Variants in PTPRF observed in about 807,000 individuals in gnomAD.
The protein encoded by PTPRF is protein tyrosine phosphatase receptor type F.
PTPRF carries 59 observed loss-of-function variants against 201.8 expected under a neutral mutation model. That is an observed-to-expected ratio of 0.29 (90% CI 0.24 to 0.36). PTPRF has a LOEUF of 0.36. PTPRF is among the 10% of genes least tolerant of loss of function. The pLI is 1.00. For synonymous variants in PTPRF, 1,088 were observed against 1,089.7 expected, an observed-to-expected ratio of 1.00 and a Z score of 0.03; for missense variants, 2,132 against 2,690.5, an observed-to-expected ratio of 0.79 and a Z score of 4.59.
At chr1:43,612,926 TC>T (rs1656817970) in intron 22 of PTPRF, 2 of 827,450 alleles carry the variant, frequency 2.4e-6, no homozygotes, top group Non-Finnish European at 1.8e-6. Context: ...CCCTTTCTTC[TC>T]CCCCAATCCC....
At chr1:43,620,618 T>C in intron 31 of PTPRF, 39 bp downstream of exon 31, 1 of 1,602,320 alleles carries the variant, frequency 6.2e-7, no homozygotes, top group South Asian at 1.1e-5. Flanking sequence ...ACGCTGCCTG[T>C]CCACACGCTG....
At chr1:43,526,590 G>A (rs1452434783), upstream of PTPRF, among the ~76,000 whole-genome samples, 1 of 152,164 alleles carries the variant, frequency 6.6e-6, no homozygotes, top group African/African-American at 2.4e-5. Context: ...GTGTCTTGGG[G>A]AATTGATGCT....
At chr1:43,570,938 C>T (rs919573386) in intron 6 of PTPRF, among the ~76,000 whole-genome samples, 2 of 152,260 alleles carry the variant, frequency 1.3e-5, no homozygotes, top group African/African-American at 2.4e-5. Context: ...CGGTTCGGCT[C>T]CTCTGCATTT....
At position 43,553,422 on chromosome 1, in the gene PTPRF, T is replaced by A; in HGVS notation, c.92-70T>A. 1 of 1,506,030 alleles carries A rather than the reference T, an allele frequency of 6.6e-7. No individual in the cohort carries two copies. The allele number at this position is 1,506,030 out of a possible 1,614,324, so 93.3% of individuals were successfully genotyped here. On this transcript the variant is annotated intron_variant, in intron 3 of 33. Coordinates refer to ENST00000359947, the MANE Select transcript of PTPRF (RefSeq NM_002840.5). This position sits in a 1 kb window ranked among gnomAD's most constrained non-coding sequence, Gnocchi z 4.1. ...AGGTCTTTCTCTCTGCCCCCATGACTGCCACCTTCCTCACTGGCCATTCCT... is the reference window on the plus strand; with the variant it reads ...AGGTCTTTCTCTCTGCCCCCATGACAGCCACCTTCCTCACTGGCCATTCCT...
At chr1:43,565,852 G>A (rs1039153069) in intron 5 of PTPRF, among the ~76,000 whole-genome samples, 1 of 152,118 alleles carries the variant, frequency 6.6e-6, no homozygotes, top group Non-Finnish European at 1.5e-5. Flanking sequence ...GCGCCTGCAC[G>A]GACTCGGGCA....
intron 7 of PTPRF, among the ~76,000 whole-genome samples, chr1:43,586,880 C>A (rs1351532954): frequency 6.6e-6 from 1 of 152,190 alleles, no homozygotes; most frequent in African/African-American, 2.4e-5. Flanking sequence ...GGCTGTTTCT[C>A]CATAGTCAGA....
chr1:43,604,221 A>G (rs1259194479), intron 16 of PTPRF, 32 bp downstream of exon 16: 4 of 1,596,736 alleles, frequency 2.5e-6, no homozygotes, highest in Admixed American at 1.7e-5. Context: ...TCCCTTCCCG[A>G]GTGTGGCTGC....
At chr1:43,544,502 T>C (rs1243902134) in intron 2 of PTPRF, among the ~76,000 whole-genome samples, 1 of 152,198 alleles carries the variant, frequency 6.6e-6, no homozygotes, top group Non-Finnish European at 1.5e-5. Flanking sequence ...TCGTGGAGTC[T>C]GGCCTCCCAC....
At chr1:43,533,174 A>ATTCC (rs942868987) in intron 1 of PTPRF, among the ~76,000 whole-genome samples, 3 of 151,676 alleles carry the variant, frequency 2.0e-5, no homozygotes, top group Non-Finnish European at 2.9e-5. Flanking sequence ...TTTTAACATA[A>ATTCC]TTCCTTCCTT....
At chr1:43,618,186 G>A (rs1280664403) in intron 25 of PTPRF, among the ~76,000 whole-genome samples, 2 of 152,212 alleles carry the variant, frequency 1.3e-5, no homozygotes, top group East Asian at 1.9e-4. Flanking sequence ...AGTTGCTGGC[G>A]TGTTCCCGGG....
rs543489383 is a variant in PTPRF, at chr1:43,539,638, G to C, written c.-46+1361G>C. ...TTATGTAGAGGGTGCAGCAAGAGGG[G>C]CTGTGTCACAGGCTGGAAAGGTCAG... On this transcript the variant is annotated intron_variant, in intron 2 of 33. Coordinates refer to ENST00000359947, the MANE Select transcript of PTPRF (RefSeq NM_002840.5). Among the ~76,000 whole-genome samples, 264 of 152,356 alleles carry C rather than the reference G, an allele frequency of 1.7e-3. 3 individuals carry two copies. The highest frequency in any genetic ancestry group is 5.9e-3 in the African/African-American group (247 of 41,580).
chr1:43,581,638 C>G (rs986659901), intron 7 of PTPRF, among the ~76,000 whole-genome samples: 1 of 152,226 alleles, frequency 6.6e-6, no homozygotes, highest in Non-Finnish European at 1.5e-5. Context: ...CCCTTCAGCC[C>G]CAGCGCCTGG....
At chr1:43,613,095 C>T (rs1439865831) in intron 22 of PTPRF, 2 of 350,484 alleles carry the variant, frequency 5.7e-6, no homozygotes, top group Non-Finnish European at 1.1e-5. Context: ...CCTCTCATCT[C>T]CTCTCCTCTG....
At chr1:43,566,638 C>T (rs1646205598) in intron 5 of PTPRF, among the ~76,000 whole-genome samples, 1 of 152,216 alleles carries the variant, frequency 6.6e-6, no homozygotes, top group South Asian at 2.1e-4. Context: ...GAAAGGGCTG[C>T]TGTACTTGGC....
chr1:43,582,492 C>T (rs1364707344), intron 7 of PTPRF: 1 of 152,342 alleles, frequency 6.6e-6, no homozygotes, highest in Admixed American at 6.5e-5. Flanking sequence ...CTGCTGGGGC[C>T]AGGGTGGAGC....
chr1:43,541,890 G>A (rs1206385675), intron 2 of PTPRF, among the ~76,000 whole-genome samples: 2 of 152,144 alleles, frequency 1.3e-5, no homozygotes, highest in Admixed American at 6.5e-5. Context: ...ATTCAGAGAC[G>A]AGCTTGAGTG....
At chr1:43,580,589 G>A (rs1358196899) in intron 7 of PTPRF, among the ~76,000 whole-genome samples, 1 of 152,242 alleles carries the variant, frequency 6.6e-6, no homozygotes, top group Non-Finnish European at 1.5e-5. Flanking sequence ...ATGGCCTAGA[G>A]GAGTGGAGTT....
intron 5 of PTPRF, among the ~76,000 whole-genome samples, chr1:43,568,534 G>A (rs1348138767): frequency 6.6e-6 from 1 of 152,200 alleles, no homozygotes; most frequent in Non-Finnish European, 1.5e-5. Flanking sequence ...TACCATCAAG[G>A]TGGGCACTTG....
chr1:43,530,469 G>A (rs922499288), upstream of PTPRF, among the ~76,000 whole-genome samples: 1 of 151,998 alleles, frequency 6.6e-6, no homozygotes, highest in Non-Finnish European at 1.5e-5. This position sits in a 1 kb window ranked among gnomAD's most constrained non-coding sequence, Gnocchi z 4.1. Context: ...CAGTATAGAG[G>A]TTCACAACAA....
Sources: allele counts gnomAD v4.1 joint callset (sites outside exome capture counted in the v4.1 genomes callset), GRCh38; gene constraint gnomAD v4.1.1; non-coding constraint Gnocchi (gnomAD v3.1); transcripts MANE v1.5; gene names NCBI Gene and HGNC (gene_info 2026-07-23, HGNC 2026-07-21).